The following PNPLA5 variants were observed in gnomAD, a reference collection of about 807,000 sequenced individuals.
The protein encoded by PNPLA5 is patatin-like phospholipase domain-containing protein 5.
A neutral mutation model predicts 49.1 loss-of-function variants in PNPLA5; 44 were observed. The ratio of observed to expected loss-of-function variants is 0.90; its 90% CI spans 0.70 to 1.15. The LOEUF is 1.15. PNPLA5 is among the 50% of genes most tolerant of loss of function. The probability of loss-of-function intolerance (pLI) is 0.00; values close to 1 mark genes in which losing one functional copy is unlikely to be tolerated. For missense variants in PNPLA5, 603 were observed against 564.0 expected (o/e 1.07, Z -0.70); for synonymous variants, 243 against 244.4 (o/e 0.99, Z 0.06).
Position 43,889,810 on chromosome 22 carries a change from A to C in PNPLA5, c.481T>G (p.Phe161Val), listed in dbSNP as rs142459729. Residue 161 changes from phenylalanine to valine, a missense_variant, in exon 3 of 9, where the codon TTC becomes GTC. Transcript: ENST00000216177. ...PFYCGLIPPE[F>V]RGERYIDGAL... ...CAGAGTGCACTCACCTCCCCTCTGAACTCGGGGGGGATCAGCCCGCAGTAG... is the reference window on the plus strand; with the variant it reads ...CAGAGTGCACTCACCTCCCCTCTGACCTCGGGGGGGATCAGCCCGCAGTAG... 2 of 1,612,848 alleles carry C rather than the reference A, an allele frequency of 1.2e-6. No homozygotes were observed. Among genetic ancestry groups the C allele is most frequent in the African/African-American group, 2.7e-5 (2 of 74,892 alleles).
chr22:43,888,051 T>C (rs1247958751), intron 4 of PNPLA5, among the ~76,000 whole-genome samples: 2 of 152,206 alleles, frequency 1.3e-5, no homozygotes, highest in African/African-American at 4.8e-5. Flanking sequence ...CTTTGCCCCT[T>C]CGATGTTTAC....
intron 7 of PNPLA5, 200 bp from the exon 8 acceptor site, chr22:43,881,874 C>A: frequency 1.7e-6 from 1 of 592,656 alleles, no homozygotes; most frequent in Non-Finnish European, 2.1e-6. Flanking sequence ...TTGGAAAGAT[C>A]CAAAATGGAC....
rs1309854738 is a variant in PNPLA5 at position 43,881,693 on chromosome 22, C to G, written c.1083-19G>C. The G allele has an allele frequency of 1.2e-6, 2 of 1,611,504 alleles. No individual in the cohort carries two copies. Among genetic ancestry groups the G allele is most frequent in the Admixed American group, 1.7e-5 (1 of 59,846 alleles). ...CACCAACCTGGAGGAAGGGGCAGGT[C>G]AGCTTTGCCCAGGTGAGCCTGGGGT... On this transcript the variant is annotated intron_variant, in intron 7 of 8. Transcript: ENST00000216177.
chr22:43,886,656 C>T, intron 5 of PNPLA5, 168 bp from the exon 6 acceptor site: 1 of 962,890 alleles, frequency 1.0e-6, no homozygotes, highest in Non-Finnish European at 1.2e-6. Context: ...CCTGGCCCTG[C>T]TCTGCCCTGC....
At chr22:43,890,984 G>C in intron 2 of PNPLA5, 78 bp downstream of exon 2, 1 of 1,524,644 alleles carries the variant, frequency 6.6e-7, no homozygotes, top group Non-Finnish European at 8.9e-7. Flanking sequence ...AACGTCTGAC[G>C]GGGAAGTACC....
intron 7 of PNPLA5, among the ~76,000 whole-genome samples, chr22:43,883,311 G>C (rs1261214411): frequency 2.0e-5 from 3 of 152,224 alleles, no homozygotes; most frequent in Non-Finnish European, 4.4e-5. Flanking sequence ...GTGATAATTT[G>C]TAGGTCGTGA....
At chr22:43,886,633 C>A in intron 5 of PNPLA5, 145 bp from the exon 6 acceptor site, 2 of 1,420,196 alleles carry the variant, frequency 1.4e-6, no homozygotes, top group East Asian at 2.5e-5. Context: ...CGGATGACTC[C>A]CTTCTGCCTT....
rs768152210 is a variant in PNPLA5, at chr22:43,889,518, C to G, written c.513G>C (p.Leu171=). 2 of 1,611,840 alleles carry G rather than the reference C, an allele frequency of 1.2e-6. No individual in the cohort carries two copies. The highest frequency in any genetic ancestry group is 1.7e-4 in the Middle Eastern group (1 of 5,980). Residue 171 remains leucine, a synonymous_variant, in exon 4 of 9, where the codon CTG becomes CTC. Coordinates refer to ENST00000216177, the MANE Select transcript of PNPLA5 (RefSeq NM_138814.4). ...AGTCTGCAAAGGGCAAGTTGTTGCT[C>G]AGAGCCCCATCGATGTAGCGCTGCA... ...FRGERYIDGA[L]SNNLPFADCP...
Position 43,880,177 on chromosome 22 carries a change from G to A in PNPLA5, c.*618C>T, listed in dbSNP as rs894894478. The A allele has an allele frequency of 1.9e-5, 7 of 377,108 alleles. No homozygotes were observed. Among genetic ancestry groups the A allele is most frequent in the African/African-American group, 1.5e-4 (7 of 48,188 alleles). 23.4% of individuals were successfully genotyped at this position (377,108 alleles called of 1,614,324 possible). A position where few individuals can be genotyped will look rare whatever the true frequency, so the allele number is the denominator to read the frequency against. ...GAATGAGGCTGTGGGGATAGCAGGG[G>A]CCACTGGGCCCAACAGAAGCACCCA... On this transcript the variant is annotated 3_prime_UTR_variant, in exon 9 of 9. Coordinates refer to ENST00000216177, the MANE Select transcript of PNPLA5 (RefSeq NM_138814.4).
rs199727026 is a variant in PNPLA5 at position 43,889,796 on chromosome 22, C to T, written c.492+3G>A. ...ACAGAACGGGGTTCCAGAGTGCACT[C>T]ACCTCCCCTCTGAACTCGGGGGGGA... On this transcript the variant is annotated splice_donor_region_variant and intron_variant, in intron 3 of 8. Coordinates refer to ENST00000216177, the MANE Select transcript of PNPLA5 (RefSeq NM_138814.4). 2.1e-5 allele frequency: 34 copies of T among 1,612,070 alleles called. No individual in the cohort carries two copies. In the East Asian group the frequency reaches 4.0e-4, roughly 19 times the overall value.
chr22:43,887,563 C>G, intron 5 of PNPLA5, 28 bp downstream of exon 5: 1 of 1,605,388 alleles, frequency 6.2e-7, no homozygotes, highest in Middle Eastern at 1.7e-4. Flanking sequence ...GGGACATGAT[C>G]CCCAGCCACT....
In PNPLA5 at chr22:43,880,628, C is replaced by CGGG. The variant is rs1362521684; in HGVS notation, c.*164_*166dup. On this transcript the variant is annotated 3_prime_UTR_variant, in exon 9 of 9. Transcript: ENST00000216177. ...GCAGGTGACCTGGGTACACAGTGAC[C>CGGG]GGGGACATGCTGACAGGCTGCGCCC... is the stretch of plus-strand genomic sequence containing the variant. 69 of 578,962 alleles carry CGGG rather than the reference C, an allele frequency of 1.2e-4. No homozygotes were observed. Among genetic ancestry groups the CGGG allele is most frequent in the Non-Finnish European group, 1.6e-4 (64 of 390,300 alleles). The allele number at this position is 578,962 out of a possible 1,614,324, so 35.9% of individuals were successfully genotyped here.
At chr22:43,891,398 C>G in intron 1 of PNPLA5, 104 bp from the exon 2 acceptor site, 1 of 1,429,010 alleles carries the variant, frequency 7.0e-7, no homozygotes, top group Non-Finnish European at 9.1e-7. Flanking sequence ...GGGTCCTCCC[C>G]ACTCCAGCTC....
rs1442805369 is a variant in PNPLA5, at chr22:43,886,189, G to A, written c.949+114C>T. 68 of 1,222,620 alleles carry A rather than the reference G, an allele frequency of 5.6e-5. 3 individuals carry two copies. In the Middle Eastern group the frequency reaches 1.1e-3, roughly 20 times the overall value. 75.7% of individuals were successfully genotyped at this position (1,222,620 alleles called of 1,614,324 possible). Reference sequence around the variant, plus strand: ...ACACTTGGCATTTAGTAGGTGCTCAGTAAATGAGTCCTGTCCTCTTCCAGA... The same window carrying A: ...ACACTTGGCATTTAGTAGGTGCTCAATAAATGAGTCCTGTCCTCTTCCAGA... On this transcript the variant is annotated intron_variant, in intron 6 of 8. Coordinates refer to ENST00000216177, the MANE Select transcript of PNPLA5 (RefSeq NM_138814.4).
Position 43,879,821 on chromosome 22 carries a change from C to G in PNPLA5, c.*974G>C, listed in dbSNP as rs1395941895. 3 of 152,166 alleles carry G rather than the reference C, an allele frequency of 2.0e-5. No homozygotes were observed. Among genetic ancestry groups the G allele is most frequent in the Non-Finnish European group, 4.4e-5 (3 of 68,048 alleles). The allele number at this position is 152,166 out of a possible 1,614,324, so 9.4% of individuals were successfully genotyped here. On this transcript the variant is annotated 3_prime_UTR_variant, in exon 9 of 9. Coordinates refer to ENST00000216177, the MANE Select transcript of PNPLA5 (RefSeq NM_138814.4). ...CCTCCATCCTCAGCCTCCCAAGTAG[C>G]CAGGACCACAGGCATGCACCACCAT...
chr22:43,890,016 A>G (rs1406754375), intron 2 of PNPLA5, 152 bp from the exon 3 acceptor site: 2 of 1,428,266 alleles, frequency 1.4e-6, no homozygotes, highest in South Asian at 1.5e-5. Flanking sequence ...CTCCCAGCCA[A>G]GCTCTCCAAG....
chr22:43,884,620 C>T (rs533020806), intron 6 of PNPLA5, among the ~76,000 whole-genome samples: 2 of 152,160 alleles, frequency 1.3e-5, no homozygotes, highest in South Asian at 2.1e-4. Context: ...GTGGCAGGGC[C>T]AGGATGGACT....
In PNPLA5 at chr22:43,886,311, A is replaced by C; in HGVS notation, c.941T>G (p.Leu314Arg). ...VPNFEQLSPELEAALKKACTR... is the reference protein window; with the variant it reads ...VPNFEQLSPEREAALKKACTR... The stretch of plus-strand genomic sequence containing the variant: ...GCAGGTAGAGTCCCTACCAGCCTCC[A>C]GCTCTGGTGAGAGCTGCTCAAAGTT... Residue 314 changes from leucine to arginine, a missense_variant, in exon 6 of 9, where the codon CTG becomes CGG. By Grantham distance (102) the Leu-to-Arg change is moderately radical. Coordinates refer to ENST00000216177, the MANE Select transcript of PNPLA5 (RefSeq NM_138814.4). The C allele has an allele frequency of 6.2e-7, 1 of 1,612,656 alleles. No homozygotes were observed. The highest frequency in any genetic ancestry group is 1.3e-5 in the African/African-American group (1 of 75,014).
intron 4 of PNPLA5, among the ~76,000 whole-genome samples, chr22:43,888,678 G>A (rs1244739429): frequency 6.6e-6 from 1 of 152,070 alleles, no homozygotes; most frequent in East Asian, 1.9e-4. Flanking sequence ...TAAGTGATCT[G>A]CCAGCCTTGG....
Sources: gnomAD v4.1 joint callset for allele counts (sites outside exome capture counted in the v4.1 genomes callset) on GRCh38, gnomAD v4.1.1 for gene constraint, MANE v1.5 for transcripts, NCBI Gene and HGNC (gene_info 2026-07-23, HGNC 2026-07-21) for gene names.